Variants in CLVS1 observed in about 807,000 individuals in gnomAD.
CLVS1 encodes the protein clavesin 1.
A neutral mutation model predicts 33.1 loss-of-function variants in CLVS1; 10 were observed. The ratio of observed to expected loss-of-function variants is 0.30; its 90% CI spans 0.19 to 0.51. The LOEUF is 0.51. Ranked by LOEUF, CLVS1 falls within the 20% of genes least tolerant of loss-of-function variation. CLVS1 has a pLI of 0.97. For missense variants in CLVS1, 343 were observed against 433.4 expected, an observed-to-expected ratio of 0.79 and a Z score of 1.85; for synonymous variants, 163 against 166.1, an observed-to-expected ratio of 0.98 and a Z score of 0.14.
intron 2 of CLVS1, among the ~76,000 whole-genome samples, chr8:61,276,164 A>AC (rs1408382077): frequency 6.6e-6 from 1 of 152,226 alleles, no homozygotes; most frequent in African/African-American, 2.4e-5. Context: ...GAAGGTGCCC[A>AC]CAAAATGAAG....
chr8:61,215,954 C>G (rs1013787197), intron 2 of CLVS1, among the ~76,000 whole-genome samples: 2 of 152,084 alleles, frequency 1.3e-5, no homozygotes, highest in Non-Finnish European at 2.9e-5. Flanking sequence ...GTGAACACAG[C>G]AACTGAGCAG....
Position 61,376,793 on chromosome 8 carries a change from A to G in CLVS1, c.630+14A>G, listed in dbSNP as rs1308081376. ...GAAGGGTTGCAGGTATGTTCAATGA[A>G]TGCGCAATACAAGACCATGTGTGGC... On this transcript the variant is annotated intron_variant, in intron 3 of 5. Transcript: ENST00000325897. 6.2e-7 allele frequency: 1 copy of G among 1,610,548 alleles called. No individual in the cohort carries two copies.
At chr8:61,034,107 G>A in the CLVS1 span, among the ~76,000 whole-genome samples, 3 of 152,138 alleles carry the variant, frequency 2.0e-5, no homozygotes, top group Admixed American at 1.3e-4. Context: ...CCCTGGGCCC[G>A]CAGCTCCAGG....
chr8:61,059,475 C>CATATAT lies in CLVS1; in HGVS notation c.-243+2265_-243+2270dup, dbSNP rs56322834. Among the ~76,000 whole-genome samples the CATATAT allele has an allele frequency of 1.1e-3, 57 of 50,202 alleles. 1 individual carries two copies. The highest frequency in any genetic ancestry group is 4.2e-3 in the South Asian group (3 of 708). The allele number at this position is 50,202 out of a possible 152,430, so 32.9% of individuals were successfully genotyped here. ...ACACACACATATACATACATACATA[C>CATATAT]ATATATATATATATATATATATATA... On this transcript the variant is annotated intron_variant, in intron 1 of 2. Transcript: ENST00000522621.
At chr8:61,031,730 T>C in the CLVS1 span, among the ~76,000 whole-genome samples, 2 of 152,134 alleles carry the variant, frequency 1.3e-5, 1 homozygote, top group Non-Finnish European at 2.9e-5. Flanking sequence ...AATAATTCAA[T>C]ACAGAATGGG....
chr8:61,269,461 G>C (rs980648969), intron 2 of CLVS1, among the ~76,000 whole-genome samples: 13 of 152,062 alleles, frequency 8.5e-5, no homozygotes, highest in Admixed American at 2.0e-4. Flanking sequence ...GATGCCTCCA[G>C]CTTTGTTCTT....
chr8:61,097,366 T>C (rs1805372518), intron 1 of CLVS1, among the ~76,000 whole-genome samples: 1 of 152,062 alleles, frequency 6.6e-6, no homozygotes, highest in Non-Finnish European at 1.5e-5. Flanking sequence ...TCAGTGTATA[T>C]GGTCATTTGG....
chr8:61,337,544 G>A (rs1024037509), intron 2 of CLVS1, among the ~76,000 whole-genome samples: 1 of 151,996 alleles, frequency 6.6e-6, no homozygotes, highest in Non-Finnish European at 1.5e-5. Flanking sequence ...AAGCACAACC[G>A]AGACACCTGC....
At chr8:61,177,874 C>G (rs1807148907) in intron 2 of CLVS1, among the ~76,000 whole-genome samples, 1 of 151,568 alleles carries the variant, frequency 6.6e-6, no homozygotes, top group South Asian at 2.1e-4. Context: ...TAGACAAACT[C>G]TTGAAGATGA....
chr8:61,117,761 G>A (rs1186760428), intron 1 of CLVS1, among the ~76,000 whole-genome samples: 7 of 152,164 alleles, frequency 4.6e-5, no homozygotes, highest in Non-Finnish European at 1.0e-4. Context: ...ATGTGCTGCT[G>A]GATTCGGAGT....
intron 2 of CLVS1, among the ~76,000 whole-genome samples, chr8:61,252,493 A>T (rs1442780398): frequency 6.6e-6 from 1 of 152,100 alleles, no homozygotes; most frequent in Non-Finnish European, 1.5e-5. Context: ...TGTCTCATTG[A>T]TCTCTCTAAT....
rs144078648 is a variant in CLVS1 at position 61,095,546 on chromosome 8, C to T, written c.-242-36224C>T. Among the ~76,000 whole-genome samples, 505 of 152,290 alleles carry T rather than the reference C, an allele frequency of 3.3e-3. 3 individuals are homozygous for T. Among genetic ancestry groups the T allele is most frequent in the Non-Finnish European group, 5.6e-3 (382 of 68,014 alleles). On this transcript the variant is annotated intron_variant, in intron 1 of 2. Coordinates refer to the CLVS1 transcript ENST00000522621. ...GAAGGGTGCCTGCAGCCCTTCTTGG[C>T]CAACCCCAGGTAGGCCAGCGACCTA...
At chr8:61,208,767 T>G (rs988966920) in intron 2 of CLVS1, among the ~76,000 whole-genome samples, 5 of 152,272 alleles carry the variant, frequency 3.3e-5, no homozygotes, top group Admixed American at 6.5e-5. Flanking sequence ...TTTGTATTTT[T>G]GGTAGAGATG....
At chr8:61,447,173 G>C (rs1046971212) in intron 3 of CLVS1, among the ~76,000 whole-genome samples, 1 of 152,014 alleles carries the variant, frequency 6.6e-6, no homozygotes, top group East Asian at 1.9e-4. Context: ...GTTGTTGAGA[G>C]AGTGATATTC....
the CLVS1 span, among the ~76,000 whole-genome samples, chr8:61,021,686 A>G: frequency 6.6e-6 from 1 of 152,126 alleles, no homozygotes; most frequent in Non-Finnish European, 1.5e-5. Context: ...CTGAAGTGCA[A>G]AGGAATTAAT....
the CLVS1 span, among the ~76,000 whole-genome samples, chr8:60,984,490 G>A: frequency 6.6e-5 from 10 of 151,870 alleles, no homozygotes; most frequent in African/African-American, 2.2e-4. Flanking sequence ...ACCATGCTCC[G>A]CTAATTTTTG....
At chr8:61,257,748 T>A (rs1257196946) in intron 2 of CLVS1, among the ~76,000 whole-genome samples, 1 of 152,172 alleles carries the variant, frequency 6.6e-6, no homozygotes, top group Non-Finnish European at 1.5e-5. Flanking sequence ...TGGGCTTCAT[T>A]GATATGTTTA....
At chr8:61,197,823 C>G (rs189508052) in intron 2 of CLVS1, among the ~76,000 whole-genome samples, 1 of 152,122 alleles carries the variant, frequency 6.6e-6, no homozygotes, top group East Asian at 1.9e-4. Flanking sequence ...TCATTCATAC[C>G]CAGTATGGCT....
chr8:61,161,602 A>C (rs1806753102), intron 2 of CLVS1, among the ~76,000 whole-genome samples: 2 of 152,228 alleles, frequency 1.3e-5, no homozygotes, highest in African/African-American at 2.4e-5. Flanking sequence ...AAAAAGTGGA[A>C]TTCATAGAAG....
Sources: gnomAD v4.1 joint callset for allele counts (sites outside exome capture counted in the v4.1 genomes callset) on GRCh38, gnomAD v4.1.1 for gene constraint, MANE v1.5 for transcripts, NCBI Gene and HGNC (gene_info 2026-07-23, HGNC 2026-07-21) for gene names.